Variants in NUS1 observed in about 807,000 individuals in gnomAD.
NUS1 encodes the protein NUS1 dehydrodolichyl diphosphate synthase subunit, also known as dehydrodolichyl diphosphate synthase complex subunit NUS1.
For missense variants in NUS1, 292 were observed against 382.9 expected, an observed-to-expected ratio of 0.76 and a Z score of 1.98; for synonymous variants, 135 against 155.2, an observed-to-expected ratio of 0.87 and a Z score of 0.97.
At chr6:117,676,299 C>T (rs1282820998) in intron 1 of NUS1, among the ~76,000 whole-genome samples, 1 of 152,232 alleles carries the variant, frequency 6.6e-6, no homozygotes, top group Non-Finnish European at 1.5e-5. Context: ...TATCCCTTGG[C>T]CGGGCGCGGT....
At chr6:117,703,504 A>C (rs534802438) in intron 3 of NUS1, 101 bp from the exon 4 acceptor site, 2 of 866,270 alleles carry the variant, frequency 2.3e-6, no homozygotes, top group East Asian at 4.9e-5. Flanking sequence ...TTAAAGAACC[A>C]ATTTGATTAA....
At chr6:117,685,442 G>A (rs771804943) in intron 1 of NUS1, among the ~76,000 whole-genome samples, 8 of 151,534 alleles carry the variant, frequency 5.3e-5, no homozygotes, top group Admixed American at 2.0e-4. Context: ...GCAGTGGTGC[G>A]ATCATAGTTA....
chr6:117,683,680 A>G (rs1348525540), intron 1 of NUS1, among the ~76,000 whole-genome samples: 1 of 152,158 alleles, frequency 6.6e-6, no homozygotes, highest in East Asian at 1.9e-4. Flanking sequence ...AGTACTTGCT[A>G]TTATTTCTTA....
chr6:117,702,502 C>T (rs976594459), intron 3 of NUS1, among the ~76,000 whole-genome samples: 6 of 152,008 alleles, frequency 3.9e-5, no homozygotes, highest in East Asian at 3.8e-4. Context: ...AATAATTGTC[C>T]GCCTTTGGTC....
At chr6:117,706,343 G>C (rs1773501139) in intron 4 of NUS1, among the ~76,000 whole-genome samples, 1 of 152,120 alleles carries the variant, frequency 6.6e-6, no homozygotes, top group African/African-American at 2.4e-5. Context: ...CCAACATTAA[G>C]CATGGCTTTC....
chr6:117,697,968 C>G (rs1001334417), intron 3 of NUS1, among the ~76,000 whole-genome samples: 2 of 151,854 alleles, frequency 1.3e-5, no homozygotes, highest in Non-Finnish European at 2.9e-5. Context: ...TCTTCTCTGA[C>G]CACAATGGAA....
At position 117,707,088 on chromosome 6, in the gene NUS1, C is replaced by T; in HGVS notation, c.*73C>T. On this transcript the variant is annotated 3_prime_UTR_variant, in exon 5 of 5. Coordinates refer to ENST00000368494, the MANE Select transcript of NUS1 (RefSeq NM_138459.5). ...CCAAGTGACTCTGATGTTTACAAAGCACCTATGAAACCCTGTACACACCTA... is the reference window on the plus strand; with the variant it reads ...CCAAGTGACTCTGATGTTTACAAAGTACCTATGAAACCCTGTACACACCTA... The T allele has an allele frequency of 1.5e-6, 2 of 1,310,438 alleles. No individual in the cohort carries two copies. The highest frequency in any genetic ancestry group is 1.1e-6 in the Non-Finnish European group (1 of 909,150). 81.2% of individuals were successfully genotyped at this position (1,310,438 alleles called of 1,614,324 possible). A position where few individuals can be genotyped will look rare whatever the true frequency, so the allele number is the denominator to read the frequency against.
At chr6:117,689,317 T>C (rs1197096678) in intron 1 of NUS1, among the ~76,000 whole-genome samples, 1 of 152,192 alleles carries the variant, frequency 6.6e-6, no homozygotes, top group African/African-American at 2.4e-5. Flanking sequence ...ATCTGGAGGC[T>C]AAGGTAAATA....
At chr6:117,699,153 C>T (rs1582474556) in intron 3 of NUS1, among the ~76,000 whole-genome samples, 1 of 151,726 alleles carries the variant, frequency 6.6e-6, no homozygotes, top group Middle Eastern at 3.4e-3. Context: ...CTAGCTAGAG[C>T]AATTAGACCA....
rs912833872 is a variant in NUS1 at position 117,710,490 on chromosome 6, A to G, written c.*3475A>G. On this transcript the variant is annotated 3_prime_UTR_variant, in exon 5 of 5. Transcript: ENST00000368494. ...GTTTAAAAAATACACTTTTCATTAT[A>G]GGAAAAAGAAGATTCAGAGAAACAA... is the stretch of plus-strand genomic sequence containing the variant. 1 of 152,196 alleles carries G rather than the reference A, an allele frequency of 6.6e-6. No homozygotes were observed. The highest frequency in any genetic ancestry group is 2.4e-5 in the African/African-American group (1 of 41,468). The allele number at this position is 152,196 out of a possible 1,614,324, so 9.4% of individuals were successfully genotyped here. A position where few individuals can be genotyped will look rare whatever the true frequency, so the allele number is the denominator to read the frequency against.
At chr6:117,693,563 T>G (rs781520637) in intron 2 of NUS1, among the ~76,000 whole-genome samples, 6 of 152,300 alleles carry the variant, frequency 3.9e-5, no homozygotes, top group Admixed American at 6.5e-5. Context: ...ATCCCATCAA[T>G]TGTAAGATAG....
intron 3 of NUS1, among the ~76,000 whole-genome samples, chr6:117,697,792 C>T (rs1162679447): frequency 6.6e-6 from 1 of 152,040 alleles, no homozygotes; most frequent in Non-Finnish European, 1.5e-5. Context: ...ACTTAATCTG[C>T]ACTGTAGACC....
chr6:117,697,284 A>G (rs1205707691), intron 3 of NUS1, among the ~76,000 whole-genome samples: 2 of 152,196 alleles, frequency 1.3e-5, no homozygotes. Flanking sequence ...CAGAAAACAA[A>G]TAACAAAATG....
chr6:117,683,673 A>G (rs967186375), intron 1 of NUS1, among the ~76,000 whole-genome samples: 1 of 152,200 alleles, frequency 6.6e-6, no homozygotes, highest in African/African-American at 2.4e-5. Flanking sequence ...TCTTGTAAGT[A>G]CTTGCTATTA....
intron 1 of NUS1, among the ~76,000 whole-genome samples, chr6:117,686,133 C>T (rs537935847): frequency 4.6e-5 from 7 of 151,156 alleles, no homozygotes; most frequent in Non-Finnish European, 1.0e-4. Flanking sequence ...TGGTGGTGGG[C>T]GCCTATAGTC....
intron 2 of NUS1, 145 bp from the exon 3 acceptor site, chr6:117,693,886 A>G (rs1773278706): frequency 5.5e-6 from 4 of 722,070 alleles, no homozygotes; most frequent in Non-Finnish European, 8.7e-6. Flanking sequence ...ATGTTTTGAT[A>G]TTGAAATTGA....
Position 117,708,758 on chromosome 6 carries a change from G to A in NUS1, c.*1743G>A, listed in dbSNP as rs1773535395. 1 of 152,264 alleles carries A rather than the reference G, an allele frequency of 6.6e-6. No homozygotes were observed. Among genetic ancestry groups the A allele is most frequent in the Non-Finnish European group, 1.5e-5 (1 of 67,944 alleles). The allele number at this position is 152,264 out of a possible 1,614,324, so 9.4% of individuals were successfully genotyped here. A position where few individuals can be genotyped will look rare whatever the true frequency, so the allele number is the denominator to read the frequency against. ...TATATTATATTGAGGCATTTGTAGT[G>A]CAGCTGAAGACTGAATTTATGCCTT... On this transcript the variant is annotated 3_prime_UTR_variant, in exon 5 of 5. Transcript: ENST00000368494.
At chr6:117,689,572 T>A (rs888287353) in intron 1 of NUS1, among the ~76,000 whole-genome samples, 1 of 151,466 alleles carries the variant, frequency 6.6e-6, no homozygotes, top group Admixed American at 6.6e-5. Flanking sequence ...TTTTTTTTTG[T>A]CTGTTTTAAA....
intron 4 of NUS1, among the ~76,000 whole-genome samples, chr6:117,706,432 A>G (rs560319739): frequency 2.6e-4 from 39 of 152,182 alleles, no homozygotes; most frequent in Non-Finnish European, 5.4e-4. Flanking sequence ...TTATACATAG[A>G]TCTCTAGCTT....
Sources: gnomAD v4.1 joint callset for allele counts (sites outside exome capture counted in the v4.1 genomes callset) on GRCh38, gnomAD v4.1.1 for gene constraint, MANE v1.5 for transcripts, NCBI Gene and HGNC (gene_info 2026-07-23, HGNC 2026-07-21) for gene names.